The following TTC39C variants were observed in gnomAD, a reference collection of about 807,000 sequenced individuals.
The protein encoded by TTC39C is tetratricopeptide repeat protein 39C.
In TTC39C, 33 loss-of-function variants were observed where a neutral mutation model predicts 76.3. The ratio of observed to expected loss-of-function variants is 0.43; its 90% CI spans 0.33 to 0.58. TTC39C has a LOEUF of 0.58. Ranked by LOEUF, TTC39C falls within the 20% of genes least tolerant of loss-of-function variation. The pLI is 0.04. For synonymous variants in TTC39C, 254 were observed against 260.6 expected (o/e 0.97, Z 0.24); for missense variants, 595 against 701.4 (o/e 0.85, Z 1.71).
At chr18:24,087,343 A>T (rs559354001) in intron 6 of TTC39C, among the ~76,000 whole-genome samples, 1 of 152,168 alleles carries the variant, frequency 6.6e-6, no homozygotes, top group Admixed American at 6.5e-5. Context: ...ACAGATTTAC[A>T]CAACTTTTTT....
intron 1 of TTC39C, among the ~76,000 whole-genome samples, chr18:24,050,498 A>G (rs908796232): frequency 2.7e-4 from 39 of 146,368 alleles, no homozygotes; most frequent in African/African-American, 9.6e-4. Flanking sequence ...CGGGAGGTCA[A>G]GGCTGCAGTG....
intron 1 of TTC39C, among the ~76,000 whole-genome samples, chr18:24,002,114 G>A (rs1343861481): frequency 6.6e-6 from 1 of 152,130 alleles, no homozygotes; most frequent in East Asian, 1.9e-4. Flanking sequence ...CTCACCCATT[G>A]TGTGTGGTCT....
At chr18:24,117,253 A>G (rs889695606) in intron 7 of TTC39C, among the ~76,000 whole-genome samples, 6 of 152,100 alleles carry the variant, frequency 3.9e-5, no homozygotes, top group African/African-American at 1.4e-4. Context: ...TGGGAATAAA[A>G]TCCTTTACAT....
At chr18:24,131,744 CATT>C in intron 12 of TTC39C, 135 bp from the exon 13 acceptor site, 1 of 643,986 alleles carries the variant, frequency 1.6e-6, no homozygotes, top group Non-Finnish European at 2.6e-6. Flanking sequence ...ATATTGGAGT[CATT>C]ATACTTGAAT....
At chr18:24,021,457 T>G (rs780296739) in intron 1 of TTC39C, among the ~76,000 whole-genome samples, 15 of 152,134 alleles carry the variant, frequency 9.9e-5, no homozygotes, top group Non-Finnish European at 1.5e-4. Flanking sequence ...TATTCATGCA[T>G]TTGCTGTGTA....
Position 24,132,537 on chromosome 18 carries a change from C to G in TTC39C, c.1715C>G (p.Ala572Gly). The part of the protein sequence containing the change: ...FENRLHVRIH[A>G]ALASLRELVP... ...AACAGATTGCATGTCCGCATCCATG[C>G]TGCTCTGGCCTCTCTGAGGGAATTG... The change falls in exon 14 of 14, where the codon GCT (alanine) becomes GGT (glycine). Residue 572 changes from alanine to glycine, a missense_variant. Coordinates refer to ENST00000317571, the MANE Select transcript of TTC39C (RefSeq NM_001135993.2). 1 of 1,614,086 alleles carries G rather than the reference C, an allele frequency of 6.2e-7. No individual in the cohort carries two copies. The highest frequency in any genetic ancestry group is 8.5e-7 in the Non-Finnish European group (1 of 1,179,986).
At chr18:24,115,740 A>G (rs1281013256) in intron 7 of TTC39C, among the ~76,000 whole-genome samples, 1 of 152,232 alleles carries the variant, frequency 6.6e-6, no homozygotes, top group Non-Finnish European at 1.5e-5. Flanking sequence ...AAGATTGCGA[A>G]CTGCCCAATA....
chr18:24,128,540 G>T (rs895457978), intron 10 of TTC39C, among the ~76,000 whole-genome samples: 2 of 152,106 alleles, frequency 1.3e-5, no homozygotes, highest in African/African-American at 2.4e-5. Flanking sequence ...GCTCCATCAT[G>T]TTTCCATTCT....
chr18:24,007,541 G>C (rs1329884898), intron 1 of TTC39C, among the ~76,000 whole-genome samples: 2 of 152,068 alleles, frequency 1.3e-5, no homozygotes, highest in Non-Finnish European at 2.9e-5. Context: ...GTGCCACCAG[G>C]CCTGGCTAGT....
At chr18:24,038,266 A>T (rs1161078485) in intron 1 of TTC39C, among the ~76,000 whole-genome samples, 2 of 152,142 alleles carry the variant, frequency 1.3e-5, no homozygotes, top group Admixed American at 6.5e-5. Context: ...GACAATCTAC[A>T]CAGCATGTAA....
chr18:24,132,430 AC>A, intron 13 of TTC39C, 54 bp from the exon 14 acceptor site: 1 of 1,496,214 alleles, frequency 6.7e-7, no homozygotes, highest in East Asian at 2.3e-5. Context: ...ATACCACAGT[AC>A]CCTGTGCAAG....
At chr18:24,069,408 T>G in intron 4 of TTC39C, 137 bp downstream of exon 4, 1 of 710,850 alleles carries the variant, frequency 1.4e-6, no homozygotes, top group Non-Finnish European at 2.3e-6. Context: ...GATTTATTAC[T>G]GGGGAAATTG....
intron 6 of TTC39C, among the ~76,000 whole-genome samples, chr18:24,105,747 C>T (rs921652371): frequency 2.0e-5 from 3 of 152,330 alleles, no homozygotes; most frequent in Non-Finnish European, 2.9e-5. Flanking sequence ...CACCCCTGAC[C>T]GTTGGTGTCT....
intron 1 of TTC39C, among the ~76,000 whole-genome samples, chr18:24,003,707 G>A (rs2083330934): frequency 6.6e-6 from 1 of 151,672 alleles, no homozygotes; most frequent in Non-Finnish European, 1.5e-5. Flanking sequence ...TAAATGGCTT[G>A]AGTTACTTAG....
intron 2 of TTC39C, among the ~76,000 whole-genome samples, chr18:24,064,472 C>T (rs374353457): frequency 7.2e-5 from 11 of 152,052 alleles, no homozygotes; most frequent in African/African-American, 2.2e-4. Context: ...AAACTGCATT[C>T]GAGGTAGAAA....
intron 4 of TTC39C, among the ~76,000 whole-genome samples, chr18:24,080,080 G>A (rs1187182062): frequency 6.6e-6 from 1 of 152,140 alleles, no homozygotes; most frequent in Non-Finnish European, 1.5e-5. Context: ...GAGATTACAG[G>A]CATGAGCCAC....
Position 24,102,289 on chromosome 18 carries a change from G to A in TTC39C, c.985-12265G>A, listed in dbSNP as rs545988363. On this transcript the variant is annotated intron_variant, in intron 6 of 13. Transcript: ENST00000317571. ...ATTCATTTCCTCTACCATTAGTGGT[G>A]GATTCAGTTGCATAACTCACTTTTC... Among the ~76,000 whole-genome samples the A allele has an allele frequency of 2.0e-5, 3 of 152,286 alleles. No homozygotes were observed. In the South Asian group the frequency reaches 6.2e-4, roughly 32 times the overall value.
At chr18:24,009,205 C>T (rs1459762552) in intron 1 of TTC39C, among the ~76,000 whole-genome samples, 1 of 152,146 alleles carries the variant, frequency 6.6e-6, no homozygotes, top group African/African-American at 2.4e-5. Flanking sequence ...CCTAAAATAC[C>T]AGTTTAAAAA....
chr18:24,014,659 C>A, upstream of TTC39C: 4 of 595,818 alleles, frequency 6.7e-6, no homozygotes, highest in Non-Finnish European at 9.1e-6. Context: ...CGGCGGCGGC[C>A]GGACGCCCAC....
Sources: allele counts gnomAD v4.1 joint callset (sites outside exome capture counted in the v4.1 genomes callset), GRCh38; gene constraint gnomAD v4.1.1; transcripts MANE v1.5; gene names NCBI Gene and HGNC (gene_info 2026-07-23, HGNC 2026-07-21).